DNAH3: variants seen among roughly 807,000 people sequenced by gnomAD.
The protein encoded by DNAH3 is axonemal beta dynein heavy chain 3.
DNAH3 carries 332 observed loss-of-function variants against 432.5 expected under a neutral mutation model. The ratio of observed to expected loss-of-function variants is 0.77; its 90% confidence interval spans 0.70 to 0.84. The LOEUF is 0.84. DNAH3 is among the 40% of genes least tolerant of loss of function. DNAH3 has a pLI of 0.00. For synonymous variants in DNAH3, 1,956 were observed against 1,900.2 expected (o/e 1.03, Z -0.76); for missense variants, 4,861 against 5,114.0 (o/e 0.95, Z 1.51).
chr16:21,100,801 A>C (rs1597377028), intron 16 of DNAH3, among the ~76,000 whole-genome samples: 1 of 152,306 alleles, frequency 6.6e-6, no homozygotes, highest in South Asian at 2.1e-4. Context: ...GTGCCTTTTC[A>C]CATCATTAAA....
chr16:21,150,122 G>A (rs2092834365), intron 1 of DNAH3, among the ~76,000 whole-genome samples, 168 bp downstream of exon 2: 1 of 151,872 alleles, frequency 6.6e-6, no homozygotes, highest in South Asian at 2.1e-4. Context: ...CTACTCAGGA[G>A]GCTGAGGCAG....
intron 19 of DNAH3, among the ~76,000 whole-genome samples, chr16:21,085,527 CAAAA>C (rs34136946): frequency 1.2e-5 from 1 of 81,322 alleles, no homozygotes; most frequent in Non-Finnish European, 2.4e-5. Flanking sequence ...GATTCCACCT[CAAAA>C]AAAAAAAAAA....
intron 41 of DNAH3, among the ~76,000 whole-genome samples, chr16:21,004,037 G>A (rs2087155029): frequency 6.6e-6 from 1 of 152,146 alleles, no homozygotes; most frequent in South Asian, 2.1e-4. Flanking sequence ...AAAGGAGATT[G>A]AAGTGAAACT....
intron 10 of DNAH3, chr16:21,120,941 G>A (rs1213002008): frequency 1.0e-6 from 1 of 968,638 alleles, no homozygotes; most frequent in South Asian, 1.4e-5. Context: ...GCTGCCCAGT[G>A]TTTCTTCTCC....
chr16:21,085,209 C>A (rs1326696666), intron 19 of DNAH3, among the ~76,000 whole-genome samples: 1 of 151,844 alleles, frequency 6.6e-6, no homozygotes. Flanking sequence ...TAAGACCCCC[C>A]CCATCTCTAT....
intron 16 of DNAH3, among the ~76,000 whole-genome samples, chr16:21,100,612 A>G (rs2091813234): frequency 6.6e-6 from 1 of 152,132 alleles, no homozygotes; most frequent in Admixed American, 6.5e-5. Flanking sequence ...AGGGTGCCAA[A>G]GTGTTTTCCT....
chr16:21,039,402 T>C (rs2089325959), intron 33 of DNAH3, among the ~76,000 whole-genome samples: 1 of 151,946 alleles, frequency 6.6e-6, no homozygotes, highest in East Asian at 1.9e-4. Flanking sequence ...AATTTTTTGG[T>C]AGAGACAGGG....
intron 53 of DNAH3, among the ~76,000 whole-genome samples, chr16:20,962,472 G>A (rs1448932753): frequency 6.6e-6 from 1 of 152,206 alleles, no homozygotes; most frequent in Non-Finnish European, 1.5e-5. Context: ...AAGCTGGTGG[G>A]AAACTGTATA....
At chr16:21,007,803 GT>G (rs1224309544) in intron 41 of DNAH3, among the ~76,000 whole-genome samples, 1 of 152,078 alleles carries the variant, frequency 6.6e-6, no homozygotes. Flanking sequence ...GTGCATCTAT[GT>G]TTTCTTCTAA....
At chr16:20,961,089 A>G (rs2084797577) in intron 53 of DNAH3, among the ~76,000 whole-genome samples, 1 of 152,216 alleles carries the variant, frequency 6.6e-6, no homozygotes, top group Non-Finnish European at 1.5e-5. Flanking sequence ...CTACACGAGG[A>G]AGTACATCAC....
intron 7 of DNAH3, among the ~76,000 whole-genome samples, chr16:21,131,112 G>C (rs991493680): frequency 2.0e-5 from 3 of 152,088 alleles, no homozygotes; most frequent in Non-Finnish European, 4.4e-5. Flanking sequence ...TGAGGAAGGA[G>C]GAATTCTTAA....
chr16:21,009,686 CTGAG>C (rs2087484874), intron 41 of DNAH3, among the ~76,000 whole-genome samples: 1 of 151,996 alleles, frequency 6.6e-6, no homozygotes, highest in Non-Finnish European at 1.5e-5. Flanking sequence ...GGAGAACAGG[CTGAG>C]TAAATGGCAA....
exon 62 of DNAH3, chr16:20,933,429 G>A (rs765190280): frequency 1.6e-5 from 26 of 1,613,928 alleles, no homozygotes; most frequent in East Asian, 4.5e-5. Flanking sequence ...CTGTCCCAAC[G>A]GGCACCTTCT....
chr16:20,976,176 A>T (rs1026699842), intron 50 of DNAH3, among the ~76,000 whole-genome samples: 12 of 152,106 alleles, frequency 7.9e-5, no homozygotes, highest in African/African-American at 2.9e-4. Context: ...ACAGGTCTCT[A>T]CAAAATTTTT....
At chr16:20,982,812 C>G (rs747111448) in exon 49 of DNAH3, 2 of 1,614,204 alleles carry the variant, frequency 1.2e-6, no homozygotes, top group South Asian at 2.2e-5. Context: ...TGGAACCAAT[C>G]AATCGTACAG....
rs145327382 is a variant in DNAH3, at chr16:20,936,845, T to C, written c.11663A>G (p.Lys3888Arg). ...ATTGATGAGGCTCCTCCGAACCACT[T>C]TGGTCAGCCTGCAAGAACAGAGGAG... Residue 3888 changes from lysine to arginine, a missense_variant, in exon 60 of 62, where the codon AAA (lysine) becomes AGA (arginine). Lys to Arg is a conservative substitution (Grantham distance 26). Coordinates refer to ENST00000261383, the Ensembl canonical transcript of DNAH3. 1,803 of 1,610,568 alleles carry C rather than the reference T, an allele frequency of 1.1e-3. 3 individuals are homozygous for C. The highest frequency in any genetic ancestry group is 1.4e-3 in the Non-Finnish European group (1,672 of 1,178,614).
intron 54 of DNAH3, among the ~76,000 whole-genome samples, chr16:20,958,866 C>G (rs2084687249): frequency 6.6e-6 from 1 of 152,130 alleles, no homozygotes. Context: ...CTCCTGGGTT[C>G]AAGCAATTCT....
intron 31 of DNAH3, among the ~76,000 whole-genome samples, chr16:21,048,663 G>A (rs1157207999): frequency 6.6e-6 from 1 of 151,690 alleles, no homozygotes; most frequent in Admixed American, 6.6e-5. Flanking sequence ...GGGAGCTGTA[G>A]ACCGGAGCTG....
intron 55 of DNAH3, among the ~76,000 whole-genome samples, chr16:20,953,312 C>A (rs2084400867): frequency 2.0e-5 from 3 of 151,910 alleles, no homozygotes; most frequent in African/African-American, 7.3e-5. Context: ...GCACGTGCCA[C>A]CACGCCCAGC....
Sources: allele counts gnomAD v4.1 joint callset (sites outside exome capture counted in the v4.1 genomes callset), GRCh38; gene constraint gnomAD v4.1.1; transcripts MANE v1.5; gene names NCBI Gene and HGNC (gene_info 2026-07-23, HGNC 2026-07-21).